Variants in DPPA3 observed in about 807,000 individuals in gnomAD.
DPPA3 encodes the protein developmental pluripotency-associated protein 3.
A neutral mutation model predicts 15.6 loss-of-function variants in DPPA3; 9 were observed. That is an observed-to-expected ratio of 0.58 (90% CI 0.35 to 1.01). The LOEUF is 1.01. Ranked by LOEUF, DPPA3 falls within the 50% of genes least tolerant of loss-of-function variation. The probability of loss-of-function intolerance (pLI) is 0.02; values close to 1 mark genes in which losing one functional copy is unlikely to be tolerated. For missense variants in DPPA3, 148 were observed against 194.6 expected, an observed-to-expected ratio of 0.76 and a Z score of 1.42; for synonymous variants, 61 against 70.9, an observed-to-expected ratio of 0.86 and a Z score of 0.70.
At chr12:7,713,520 A>T (rs1864367962) in intron 1 of DPPA3, among the ~76,000 whole-genome samples, 1 of 152,160 alleles carries the variant, frequency 6.6e-6, no homozygotes, top group African/African-American at 2.4e-5. Context: ...ACACACATAC[A>T]CGGGCAGTTA....
At chr12:7,716,413 ATTC>A (rs1864399878) in intron 3 of DPPA3, among the ~76,000 whole-genome samples, 174 bp downstream of exon 3, 2 of 151,938 alleles carry the variant, frequency 1.3e-5, no homozygotes, top group Admixed American at 1.3e-4. Context: ...TTAAAAATAT[ATTC>A]TTTATTCTTT....
At position 7,717,428 on chromosome 12, in the gene DPPA3, T is replaced by C. The variant is rs1864413230; in HGVS notation, c.*351T>C. The C allele has an allele frequency of 5.7e-6, 1 of 174,968 alleles. No individual in the cohort carries two copies. Among genetic ancestry groups the C allele is most frequent in the Non-Finnish European group, 1.2e-5 (1 of 83,548 alleles). 10.8% of individuals were successfully genotyped at this position (174,968 alleles called of 1,614,324 possible). A position where few individuals can be genotyped will look rare whatever the true frequency, so the allele number is the denominator to read the frequency against. On this transcript the variant is annotated 3_prime_UTR_variant, in exon 4 of 4. Coordinates refer to ENST00000345088, the MANE Select transcript of DPPA3 (RefSeq NM_199286.4). ...AAGAAAGCATTAGGTAGTTGGGCTATAGCATAATTAGATTTTCTGGCTTTC... is the reference window on the plus strand; with the variant it reads ...AAGAAAGCATTAGGTAGTTGGGCTACAGCATAATTAGATTTTCTGGCTTTC...
intron 1 of DPPA3, among the ~76,000 whole-genome samples, chr12:7,712,002 G>A (rs1320879492): frequency 1.4e-5 from 2 of 143,166 alleles, no homozygotes; most frequent in Non-Finnish European, 3.0e-5. Context: ...TCCAAGTTCC[G>A]CCTCCTGGGT....
At position 7,716,948 on chromosome 12, in the gene DPPA3, T is replaced by C; in HGVS notation, c.370-19T>C. ...GGGGTACAATATTCCAATTAATCCA[T>C]TTCATCATTTTTTTTCAGAAGGAAT... On this transcript the variant is annotated intron_variant, in intron 3 of 3. Transcript: ENST00000345088. 1 of 1,590,716 alleles carries C rather than the reference T, an allele frequency of 6.3e-7. No homozygotes were observed. The highest frequency in any genetic ancestry group is 8.6e-7 in the Non-Finnish European group (1 of 1,158,932).
rs1411074666 is a variant in DPPA3 at position 7,715,372 on chromosome 12, T to G, written c.272T>G (p.Val91Gly). 1 of 1,614,160 alleles carries G rather than the reference T, an allele frequency of 6.2e-7. No homozygotes were observed. Among genetic ancestry groups the G allele is most frequent in the Admixed American group, 1.7e-5 (1 of 60,020 alleles). Residue 91 changes from valine (V) to glycine (G), a missense_variant, in exon 2 of 4, where the codon GTG (valine) becomes GGG (glycine). Physicochemically the swap from Val to Gly is moderately radical, Grantham distance 109 (BLOSUM62 -3). Transcript: ENST00000345088. Reference protein sequence around the residue: ...SRRGVRTLLSVQREKMARLRY... With the variant: ...SRRGVRTLLSGQREKMARLRY... Reference sequence around the variant, plus strand: ...AGAGGAGTAAGAACATTGCTGTCTGTGCAGAGAGAAAAGATGGCAAGATTG... The same window carrying G: ...AGAGGAGTAAGAACATTGCTGTCTGGGCAGAGAGAAAAGATGGCAAGATTG...
chr12:7,712,517 G>A (rs745582932), intron 1 of DPPA3, among the ~76,000 whole-genome samples: 2 of 151,964 alleles, frequency 1.3e-5, no homozygotes, highest in Admixed American at 6.6e-5. Flanking sequence ...GCGCGGTGTC[G>A]GCTCACTGCA....
At chr12:7,713,228 G>T (rs1864364293) in intron 1 of DPPA3, among the ~76,000 whole-genome samples, 2 of 152,248 alleles carry the variant, frequency 1.3e-5, no homozygotes, top group African/African-American at 4.8e-5. Context: ...CCCGATGCTG[G>T]GAGGTCTGGG....
chr12:7,711,718 GTCTTTTTTTTTT>G, intron 1 of DPPA3, 66 bp downstream of exon 1: 203 of 559,616 alleles, frequency 3.6e-4, no homozygotes, highest in Non-Finnish European at 4.5e-4. Context: ...AAAGGCTGCC[GTCTTTTTTTTTT>G]TTTTTTTTTT....
chr12:7,715,614 G>A (rs1407244115), intron 2 of DPPA3, among the ~76,000 whole-genome samples, 187 bp downstream of exon 2: 1 of 151,962 alleles, frequency 6.6e-6, no homozygotes, highest in African/African-American at 2.4e-5. Context: ...TGGCCAACAT[G>A]GTGAAACCCT....
In DPPA3 at chr12:7,717,157, A is replaced by G. The variant is rs1483569706; in HGVS notation, c.*80A>G. 5 of 859,250 alleles carry G rather than the reference A, an allele frequency of 5.8e-6. No individual in the cohort carries two copies. Among genetic ancestry groups the G allele is most frequent in the African/African-American group, 1.7e-5 (1 of 59,440 alleles). 53.2% of individuals were successfully genotyped at this position (859,250 alleles called of 1,614,324 possible). A position where few individuals can be genotyped will look rare whatever the true frequency, so the allele number is the denominator to read the frequency against. ...AAGCTACTCTATGCTAGTATAGACT[A>G]TACACCAATAATTTTGATAATGAGT... On this transcript the variant is annotated 3_prime_UTR_variant, in exon 4 of 4. Transcript: ENST00000345088.
Position 7,711,478 on chromosome 12 carries a change from T to C in DPPA3, c.-93T>C. The stretch of plus-strand genomic sequence containing the variant: ...TTGGAGCTCCGGTTTTCAGCCTCTT[T>C]CCGGGCTACCTGGTAGCAATTTGAG... On this transcript the variant is annotated 5_prime_UTR_variant, in exon 1 of 4. Transcript: ENST00000345088. The C allele has an allele frequency of 8.3e-7, 1 of 1,202,016 alleles. No homozygotes were observed. The highest frequency in any genetic ancestry group is 1.2e-6 in the Non-Finnish European group (1 of 861,846). 74.5% of individuals were successfully genotyped at this position (1,202,016 alleles called of 1,614,324 possible).
intron 3 of DPPA3, 122 bp from the exon 4 acceptor site, chr12:7,716,845 C>T: frequency 1.1e-6 from 1 of 909,260 alleles, no homozygotes; most frequent in Non-Finnish European, 1.7e-6. Flanking sequence ...GCCCGTGTGT[C>T]CTTTTTTGTG....
rs1017399226 is a variant in DPPA3 at position 7,711,488 on chromosome 12, C to T, written c.-83C>T. ...GGTTTTCAGCCTCTTTCCGGGCTAC[C>T]TGGTAGCAATTTGAGGCTCTGTCAT... On this transcript the variant is annotated 5_prime_UTR_variant, in exon 1 of 4. Coordinates refer to ENST00000345088, the MANE Select transcript of DPPA3 (RefSeq NM_199286.4). The T allele has an allele frequency of 9.7e-6, 13 of 1,336,008 alleles. No individual in the cohort carries two copies. In the African/African-American group the frequency reaches 2.0e-4, roughly 20 times the overall value. 82.8% of individuals were successfully genotyped at this position (1,336,008 alleles called of 1,614,324 possible).
chr12:7,712,206 C>G (rs1469538397), intron 1 of DPPA3, among the ~76,000 whole-genome samples: 1 of 151,254 alleles, frequency 6.6e-6, no homozygotes, highest in African/African-American at 2.4e-5. Flanking sequence ...TGAGCCACTG[C>G]GCCCGGCCAG....
intron 1 of DPPA3, among the ~76,000 whole-genome samples, chr12:7,713,257 C>G (rs931130432): frequency 3.3e-5 from 5 of 152,276 alleles, no homozygotes; most frequent in Admixed American, 6.5e-5. Context: ...CGCTGGCGCG[C>G]TGACGCCCTC....
intron 1 of DPPA3, among the ~76,000 whole-genome samples, chr12:7,714,162 G>T (rs1054098783): frequency 6.7e-6 from 1 of 149,422 alleles, no homozygotes; most frequent in Non-Finnish European, 1.5e-5. Flanking sequence ...CCCGGGAGGC[G>T]GAGCTTGCAG....
intron 1 of DPPA3, 127 bp downstream of exon 1, chr12:7,711,779 T>G (rs1203253169): frequency 6.2e-6 from 5 of 803,562 alleles, no homozygotes; most frequent in Non-Finnish European, 9.2e-6. Context: ...GCAAGAGGAA[T>G]GTATTTAGGT....
At position 7,716,178 on chromosome 12, in the gene DPPA3, C is replaced by T. The variant is rs780491824; in HGVS notation, c.328-20C>T. ...CTTTTTCTTGATAGTTTTCAATAAA[C>T]ATATTTTTTTCCCATGAAGCATGAA... is the stretch of plus-strand genomic sequence containing the variant. On this transcript the variant is annotated intron_variant, in intron 2 of 3. Transcript: ENST00000345088. 2.1e-6 allele frequency: 3 copies of T among 1,450,624 alleles called. No homozygotes were observed. In the South Asian group the frequency reaches 3.5e-5, roughly 17 times the overall value. 89.9% of individuals were successfully genotyped at this position (1,450,624 alleles called of 1,614,324 possible). A position where few individuals can be genotyped will look rare whatever the true frequency, so the allele number is the denominator to read the frequency against.
chr12:7,713,063 TC>T (rs1454768891), intron 1 of DPPA3, among the ~76,000 whole-genome samples: 1 of 152,200 alleles, frequency 6.6e-6, no homozygotes, highest in Non-Finnish European at 1.5e-5. Context: ...GGCCGGGTCT[TC>T]CGGTGGAGAA....
Sources: gnomAD v4.1 joint callset for allele counts (sites outside exome capture counted in the v4.1 genomes callset) on GRCh38, gnomAD v4.1.1 for gene constraint, MANE v1.5 for transcripts, NCBI Gene and HGNC (gene_info 2026-07-23, HGNC 2026-07-21) for gene names.